FERRY3: variants seen among roughly 807,000 people sequenced by gnomAD.
FERRY3 encodes the protein protein C12orf4.
chr12:4,531,475 C>T, the FERRY3 span, among the ~76,000 whole-genome samples: 28 of 152,150 alleles, frequency 1.8e-4, 1 homozygote. Context: ...CTAGGGGAAG[C>T]TTTATGAATA....
chr12:4,494,458 A>C, the FERRY3 span, among the ~76,000 whole-genome samples: 1 of 152,350 alleles, frequency 6.6e-6, no homozygotes, highest in South Asian at 2.1e-4. Context: ...GAAGCATTAT[A>C]ATATTAGCTC....
the FERRY3 span, chr12:4,518,108 A>G: frequency 2.1e-5 from 34 of 1,613,858 alleles, no homozygotes; most frequent in Non-Finnish European, 8.5e-7. Context: ...TAGTAAAACC[A>G]GGCCACAGAG....
At chr12:4,514,681 T>C in the FERRY3 span, among the ~76,000 whole-genome samples, 17 of 139,630 alleles carry the variant, frequency 1.2e-4, no homozygotes, top group African/African-American at 4.3e-4. Flanking sequence ...CACTCATAGG[T>C]GGGAATTGAA....
chr12:4,519,298 CAAAT>C, the FERRY3 span, among the ~76,000 whole-genome samples: 2 of 151,786 alleles, frequency 1.3e-5, no homozygotes, highest in African/African-American at 4.9e-5. This position sits in a 1 kb window ranked among gnomAD's most constrained non-coding sequence, Gnocchi z 4.3. Context: ...AATTTAAAGT[CAAAT>C]AAAGTAGATA....
the FERRY3 span, among the ~76,000 whole-genome samples, chr12:4,507,846 TACAC>T: frequency 1.3e-5 from 2 of 152,130 alleles, no homozygotes; most frequent in African/African-American, 2.4e-5. Context: ...GGAAAATAAG[TACAC>T]ACATACACTT....
the FERRY3 span, among the ~76,000 whole-genome samples, chr12:4,514,628 A>G: frequency 0.035 from 5,277 of 151,080 alleles, 303 homozygotes; most frequent in African/African-American, 0.12. Context: ...CATCATTCTC[A>G]GTAAACTATC....
chr12:4,516,153 G>C, the FERRY3 span, among the ~76,000 whole-genome samples: 15 of 152,150 alleles, frequency 9.9e-5, no homozygotes, highest in African/African-American at 3.6e-4. Flanking sequence ...CTACCTTTTA[G>C]TCTACGTTTC....
chr12:4,491,199 T>C, the FERRY3 span: 1 of 1,613,214 alleles, frequency 6.2e-7, no homozygotes, highest in African/African-American at 1.3e-5. Context: ...TGAACACAAG[T>C]TCCGCTCTCC....
the FERRY3 span, among the ~76,000 whole-genome samples, chr12:4,501,024 A>G: frequency 6.6e-6 from 1 of 152,216 alleles, no homozygotes; most frequent in Non-Finnish European, 1.5e-5. Context: ...TCCTCATCTC[A>G]ACTTATGAGA....
the FERRY3 span, chr12:4,524,995 A>G: frequency 3.4e-6 from 1 of 293,580 alleles, no homozygotes; most frequent in East Asian, 6.2e-5. Flanking sequence ...AGAAATAAAG[A>G]TAGTATTTAA....
chr12:4,524,084 T>C, the FERRY3 span, among the ~76,000 whole-genome samples: 1 of 152,048 alleles, frequency 6.6e-6, no homozygotes, highest in African/African-American at 2.4e-5. Flanking sequence ...TGGAGTGCAG[T>C]AGCATGATCA....
the FERRY3 span, among the ~76,000 whole-genome samples, chr12:4,532,031 C>T: frequency 2.6e-5 from 4 of 151,794 alleles, no homozygotes; most frequent in Non-Finnish European, 4.4e-5. Context: ...GCTTGTCCAA[C>T]CTGTGGCACA....
the FERRY3 span, chr12:4,490,724 T>C: frequency 1.5e-6 from 1 of 656,210 alleles, no homozygotes; most frequent in Non-Finnish European, 2.6e-6. Flanking sequence ...GCTCGTAGGA[T>C]AGGCTACACC....
the FERRY3 span, chr12:4,536,041 T>G: frequency 6.3e-7 from 1 of 1,584,162 alleles, no homozygotes; most frequent in East Asian, 2.3e-5. Flanking sequence ...CACGGTAAAC[T>G]GTGCAGCAGC....
chr12:4,535,419 T>C, the FERRY3 span, among the ~76,000 whole-genome samples: 1 of 152,236 alleles, frequency 6.6e-6, no homozygotes, highest in Admixed American at 6.5e-5. This position sits in a 1 kb window ranked among gnomAD's most constrained non-coding sequence, Gnocchi z 4.0. Flanking sequence ...TTAACCTCTT[T>C]ATGTTCCAGT....
the FERRY3 span, among the ~76,000 whole-genome samples, chr12:4,507,865 A>G: frequency 3.1e-4 from 47 of 152,316 alleles, no homozygotes; most frequent in South Asian, 1.7e-3. Flanking sequence ...ACACTTGCTT[A>G]CACATACATA....
the FERRY3 span, among the ~76,000 whole-genome samples, chr12:4,521,687 C>T: frequency 1.3e-5 from 2 of 151,968 alleles, no homozygotes; most frequent in South Asian, 2.1e-4. Context: ...CAAATGAAGA[C>T]GTTGTAAGAA....
At chr12:4,518,196 A>G in the FERRY3 span, 8 of 1,614,158 alleles carry the variant, frequency 5.0e-6, no homozygotes, top group Non-Finnish European at 6.8e-6. Flanking sequence ...TTATGCTTAC[A>G]GAAGTCCAGC....
chr12:4,537,624 G>A, the FERRY3 span, among the ~76,000 whole-genome samples: 2,599 of 152,210 alleles, frequency 0.017, 69 homozygotes, highest in African/African-American at 0.059. Context: ...GCGGGGCTAA[G>A]TTGAATTATC....
Sources: allele counts gnomAD v4.1 joint callset (sites outside exome capture counted in the v4.1 genomes callset), GRCh38; gene constraint gnomAD v4.1.1; non-coding constraint Gnocchi (gnomAD v3.1); transcripts MANE v1.5; gene names NCBI Gene and HGNC (gene_info 2026-07-23, HGNC 2026-07-21).